DAB1: variants seen among roughly 807,000 people sequenced by gnomAD.
The protein encoded by DAB1 is DAB adaptor protein 1.
A neutral mutation model predicts 64.6 loss-of-function variants in DAB1; 15 were observed. The observed-to-expected ratio is 0.23, with a 90% CI of 0.16 to 0.36. The LOEUF (loss-of-function observed/expected upper bound fraction) is 0.36, where lower values mean the gene tolerates loss of function less well. Among genes scored for constraint, DAB1 ranks in the 10% least tolerant of loss-of-function variants. The probability of loss-of-function intolerance (pLI) is 1.00; values close to 1 mark genes in which losing one functional copy is unlikely to be tolerated. For missense variants in DAB1, 596 were observed against 706.7 expected (o/e 0.84, Z 1.78); for synonymous variants, 235 against 251.9 (o/e 0.93, Z 0.64).
intron 7 of DAB1, among the ~76,000 whole-genome samples, chr1:57,537,660 G>C (rs572959610): frequency 1.6e-4 from 25 of 152,266 alleles, no homozygotes; most frequent in African/African-American, 5.8e-4. Flanking sequence ...TGATTTCCAT[G>C]AAGAGGTACT....
intron 6 of DAB1, among the ~76,000 whole-genome samples, chr1:57,813,793 G>A (rs1443908421): frequency 3.3e-5 from 5 of 152,308 alleles, no homozygotes; most frequent in African/African-American, 1.2e-4. Flanking sequence ...ATCGAAGATG[G>A]GAATTTATTG....
chr1:57,806,466 T>C (rs1404230701), intron 6 of DAB1, among the ~76,000 whole-genome samples: 1 of 152,200 alleles, frequency 6.6e-6, no homozygotes, highest in Non-Finnish European at 1.5e-5. Flanking sequence ...CGGGGTGATT[T>C]GTCTTCAAAC....
chr1:58,235,360 C>T (rs1001730803), intron 4 of DAB1, among the ~76,000 whole-genome samples: 1 of 152,164 alleles, frequency 6.6e-6, no homozygotes. Context: ...ATTGCTGAAC[C>T]ATGAAAACAA....
In DAB1 at chr1:58,200,571, G is replaced by C. The variant is rs897800473; in HGVS notation, n.310-49983C>G. 3.3e-5 allele frequency among the ~76,000 whole-genome samples: 5 copies of C among 152,158 alleles called. No individual in the cohort carries two copies. The East Asian group carries it at 9.6e-4, about 29-fold the overall frequency. On this transcript the variant is annotated intron_variant and non_coding_transcript_variant, in intron 4 of 20. Transcript: ENST00000485760. ...GGTAAGGAGACAACAAGGCAGAATG[G>C]TATGTGCCTCTACTCTTACCAAATT...
intron 4 of DAB1, among the ~76,000 whole-genome samples, chr1:58,220,299 G>A (rs1186930871): frequency 2.6e-5 from 4 of 152,118 alleles, no homozygotes; most frequent in African/African-American, 7.2e-5. Context: ...ACTAACTGAT[G>A]GCCCAAGAGA....
At chr1:57,491,019 G>A (rs1156843925) in intron 7 of DAB1, among the ~76,000 whole-genome samples, 2 of 152,202 alleles carry the variant, frequency 1.3e-5, no homozygotes, top group East Asian at 3.9e-4. Context: ...ACTGCAACAA[G>A]GAAAAGAGCA....
At chr1:58,463,251 A>G (rs1298242982) in intron 3 of DAB1, among the ~76,000 whole-genome samples, 1 of 152,144 alleles carries the variant, frequency 6.6e-6, no homozygotes, top group Non-Finnish European at 1.5e-5. Context: ...GAGAGCAGAG[A>G]GCTCCTGGTG....
chr1:57,809,451 T>A (rs977327098), intron 6 of DAB1, among the ~76,000 whole-genome samples: 3 of 152,224 alleles, frequency 2.0e-5, no homozygotes, highest in Non-Finnish European at 2.9e-5. Flanking sequence ...AAATGTTACA[T>A]TAAAACATAG....
chr1:57,777,980 A>G (rs1402740778), intron 6 of DAB1, among the ~76,000 whole-genome samples: 2 of 152,074 alleles, frequency 1.3e-5, no homozygotes, highest in South Asian at 2.1e-4. Context: ...TTGCTATGAC[A>G]GGTCTAGAAT....
intron 1 of DAB1, among the ~76,000 whole-genome samples, chr1:57,879,859 C>T (rs1195872734): frequency 6.6e-6 from 1 of 152,166 alleles, no homozygotes; most frequent in Non-Finnish European, 1.5e-5. Context: ...CACTGCTTCC[C>T]CATCACAAAA....
chr1:58,011,751 G>A (rs1017038225), intron 5 of DAB1, among the ~76,000 whole-genome samples: 13 of 152,030 alleles, frequency 8.6e-5, no homozygotes, highest in Non-Finnish European at 8.8e-5. Flanking sequence ...GCAGTGGTGC[G>A]ATCTCAGCTC....
chr1:57,433,566 C>A (rs890059687), intron 7 of DAB1, among the ~76,000 whole-genome samples: 13 of 151,902 alleles, frequency 8.6e-5, no homozygotes, highest in Admixed American at 4.6e-4. Flanking sequence ...TGGAAGAGAA[C>A]CTTGGAAAGT....
At chr1:57,172,690 C>CA (rs1661900524) in intron 2 of DAB1, among the ~76,000 whole-genome samples, 1 of 152,040 alleles carries the variant, frequency 6.6e-6, no homozygotes, top group Non-Finnish European at 1.5e-5. Context: ...TGGGAGGTGC[C>CA]AGGCTCTTTT....
intron 5 of DAB1, chr1:58,048,545 T>C (rs1647399441): frequency 8.8e-7 from 1 of 1,142,426 alleles, no homozygotes; most frequent in African/African-American, 1.5e-5. Flanking sequence ...ATAACCACCA[T>C]AATTGCCAAA....
At chr1:57,629,346 G>A (rs1198227201) in intron 7 of DAB1, among the ~76,000 whole-genome samples, 1 of 152,116 alleles carries the variant, frequency 6.6e-6, no homozygotes, top group African/African-American at 2.4e-5. Context: ...GTGACCACTG[G>A]CTGCAGTGTT....
intron 5 of DAB1, among the ~76,000 whole-genome samples, chr1:58,108,500 A>G (rs1651796134): frequency 6.6e-6 from 1 of 152,208 alleles, no homozygotes; most frequent in Non-Finnish European, 1.5e-5. Context: ...TTTAGAAATG[A>G]AAACAACTTG....
intron 7 of DAB1, among the ~76,000 whole-genome samples, chr1:57,624,323 T>C (rs1287473119): frequency 6.6e-6 from 1 of 152,174 alleles, no homozygotes; most frequent in Non-Finnish European, 1.5e-5. Context: ...AAATCAGCTC[T>C]GCCACTTACC....
At chr1:57,946,256 C>G (rs1177106449) in intron 5 of DAB1, among the ~76,000 whole-genome samples, 1 of 152,148 alleles carries the variant, frequency 6.6e-6, no homozygotes. Context: ...GTCTGCAGGG[C>G]AAGATGCACT....
At chr1:57,889,378 G>C (rs1450872026) in intron 5 of DAB1, among the ~76,000 whole-genome samples, 2 of 152,226 alleles carry the variant, frequency 1.3e-5, no homozygotes, top group Non-Finnish European at 2.9e-5. Context: ...GTATGTAGAA[G>C]TCAGTGTGTT....
Sources: gnomAD v4.1 joint callset for allele counts (sites outside exome capture counted in the v4.1 genomes callset) on GRCh38, gnomAD v4.1.1 for gene constraint, MANE v1.5 for transcripts, NCBI Gene and HGNC (gene_info 2026-07-23, HGNC 2026-07-21) for gene names.